Variants in FERMT2 observed in about 807,000 individuals in gnomAD.
The protein encoded by FERMT2 is FERM domain containing kindlin 2, also known as fermitin family homolog 2.
Under a neutral mutation model 82.7 loss-of-function variants are expected in FERMT2, and 15 were observed. The ratio of observed to expected loss-of-function variants is 0.18; its 90% CI spans 0.12 to 0.28. The LOEUF is 0.28. FERMT2 is among the 10% of genes least tolerant of loss of function. The pLI is 1.00. For missense variants in FERMT2, 645 were observed against 809.4 expected (o/e 0.80, Z 2.46); for synonymous variants, 274 against 271.5 (o/e 1.01, Z -0.09).
intron 4 of FERMT2, among the ~76,000 whole-genome samples, chr14:52,882,621 T>A (rs1374277524): frequency 6.6e-6 from 1 of 152,210 alleles, no homozygotes; most frequent in East Asian, 1.9e-4. Context: ...ACACTGTTAA[T>A]GTAAAGAAAA....
In FERMT2 at chr14:52,907,570, A is replaced by G. The variant is rs72686388; in HGVS notation, c.391+11553T>C. 9.0e-3 allele frequency among the ~76,000 whole-genome samples: 1,377 copies of G among 152,290 alleles called. 12 individuals carry two copies. The highest frequency in any genetic ancestry group is 0.016 in the Non-Finnish European group (1,061 of 68,018). On this transcript the variant is annotated intron_variant, in intron 3 of 14. Coordinates refer to ENST00000341590, the MANE Select transcript of FERMT2 (RefSeq NM_006832.3). ...ATATAGGAGTAAAATACATGACACA[A>G]AAAGGACAGGAAGGGAGAAATGAAA...
intron 9 of FERMT2, among the ~76,000 whole-genome samples, chr14:52,873,899 T>G (rs1885789613): frequency 6.6e-6 from 1 of 152,004 alleles, no homozygotes; most frequent in Non-Finnish European, 1.5e-5. Context: ...GCTGTGCCAC[T>G]GTATTACTAT....
chr14:52,950,702 C>T (rs987906058), intron 1 of FERMT2, 125 bp from the exon 2 acceptor site: 8 of 924,386 alleles, frequency 8.7e-6, no homozygotes, highest in Non-Finnish European at 9.7e-6. Flanking sequence ...TCGGCAGAAA[C>T]TCGGGAGGGC....
intron 10 of FERMT2, 83 bp from the exon 11 acceptor site, chr14:52,864,936 C>G: frequency 1.3e-6 from 1 of 796,894 alleles, no homozygotes; most frequent in Non-Finnish European, 2.1e-6. Context: ...CATTCTGTGG[C>G]ATCTTAACAT....
At chr14:52,882,704 TC>T (rs1335750678) in intron 4 of FERMT2, among the ~76,000 whole-genome samples, 2 of 152,054 alleles carry the variant, frequency 1.3e-5, no homozygotes, top group African/African-American at 4.8e-5. Context: ...TTAACTCTTC[TC>T]CCCATGCAAT....
At chr14:52,880,167 G>C (rs936559887) in intron 6 of FERMT2, among the ~76,000 whole-genome samples, 1 of 152,116 alleles carries the variant, frequency 6.6e-6, no homozygotes, top group African/African-American at 2.4e-5. Context: ...CGACGTGGGA[G>C]AATGGCTTGA....
At chr14:52,947,558 G>A (rs751526242) in intron 2 of FERMT2, among the ~76,000 whole-genome samples, 4 of 152,212 alleles carry the variant, frequency 2.6e-5, no homozygotes, top group African/African-American at 9.7e-5. Context: ...TCTAAAAATT[G>A]TGTTTTAATG....
In FERMT2 at chr14:52,858,544, C is replaced by T. The variant is rs770886964; in HGVS notation, c.1876G>A (p.Val626Ile). 77 of 1,613,786 alleles carry T rather than the reference C, an allele frequency of 4.8e-5. 2 individuals carry two copies. In the South Asian group the frequency reaches 6.8e-4, roughly 14 times the overall value. Reference sequence around the variant, plus strand: ...AATCGTACTTCATCTGCAAACTCTACGGTGACCTGGAACAAAGACAAGAGC... The same window carrying T: ...AATCGTACTTCATCTGCAAACTCTATGGTGACCTGGAACAAAGACAAGAGC... Reference protein sequence around the residue: ...NVNWEIKMVTVEFADEVRLSF... With the variant: ...NVNWEIKMVTIEFADEVRLSF... The change falls in exon 15 of 15, where the codon GTA becomes ATA. Residue 626 changes from valine (V) to isoleucine (I), a missense_variant. Val to Ile is a conservative substitution (Grantham distance 29, BLOSUM62 3). Coordinates refer to ENST00000341590, the MANE Select transcript of FERMT2 (RefSeq NM_006832.3).
At chr14:52,935,107 T>TA (rs1416428180) in intron 2 of FERMT2, among the ~76,000 whole-genome samples, 62 of 152,348 alleles carry the variant, frequency 4.1e-4, no homozygotes, top group African/African-American at 1.4e-3. Flanking sequence ...GCCATGTTGT[T>TA]AGACAATTAG....
chr14:52,911,658 A>T (rs1456010830), intron 3 of FERMT2, among the ~76,000 whole-genome samples: 1 of 150,908 alleles, frequency 6.6e-6, no homozygotes, highest in Non-Finnish European at 1.5e-5. Context: ...CTCAAAATAA[A>T]AAAAAAAAAA....
chr14:52,911,653 A>G (rs1888321107), intron 3 of FERMT2, among the ~76,000 whole-genome samples: 1 of 151,650 alleles, frequency 6.6e-6, no homozygotes, highest in African/African-American at 2.4e-5. Context: ...TCCATCTCAA[A>G]ATAAAAAAAA....
chr14:52,897,049 C>CACACACACACA (rs1887321843), intron 3 of FERMT2, among the ~76,000 whole-genome samples: 1 of 135,518 alleles, frequency 7.4e-6, no homozygotes, highest in African/African-American at 2.7e-5. Context: ...CACACACACA[C>CACACACACACA]CATGGTAGAA....
chr14:52,912,671 G>A (rs772225942), intron 3 of FERMT2, among the ~76,000 whole-genome samples: 25 of 151,894 alleles, frequency 1.6e-4, no homozygotes, highest in Non-Finnish European at 2.8e-4. Flanking sequence ...CACCATGCCC[G>A]GCTACTTTTT....
intron 10 of FERMT2, 29 bp from the exon 11 acceptor site, chr14:52,864,882 CTAAATTTACTTT>C: frequency 8.0e-7 from 1 of 1,243,402 alleles, no homozygotes; most frequent in Non-Finnish European, 1.2e-6. Flanking sequence ...ATTAAAATGG[CTAAATTTACTTT>C]TAAGAAATCT....
intron 2 of FERMT2, among the ~76,000 whole-genome samples, chr14:52,932,702 CCT>C: frequency 6.6e-6 from 1 of 152,294 alleles, no homozygotes. Context: ...CTGAGTCATT[CCT>C]CTCTTCCTTA....
intron 14 of FERMT2, 109 bp from the exon 15 acceptor site, chr14:52,858,659 T>C: frequency 1.1e-6 from 1 of 946,976 alleles, no homozygotes; most frequent in Non-Finnish European, 1.6e-6. Context: ...CACTTGTTGA[T>C]CCTCAAATGA....
chr14:52,936,001 A>G (rs1889821000), intron 2 of FERMT2, among the ~76,000 whole-genome samples: 2 of 152,208 alleles, frequency 1.3e-5, no homozygotes, highest in African/African-American at 4.8e-5. Flanking sequence ...GAGGGTGGGT[A>G]ACTTTCTATC....
intron 4 of FERMT2, among the ~76,000 whole-genome samples, chr14:52,886,905 A>G (rs1373187211): frequency 1.3e-5 from 2 of 152,202 alleles, no homozygotes; most frequent in African/African-American, 4.8e-5. Context: ...GTTTATGATA[A>G]AGAGACTGTA....
chr14:52,887,464 A>G (rs1456372455), intron 4 of FERMT2, among the ~76,000 whole-genome samples: 3 of 152,110 alleles, frequency 2.0e-5, no homozygotes, highest in Non-Finnish European at 4.4e-5. Flanking sequence ...ACTGGGTAAC[A>G]TAGCAAGACC....
Sources: gnomAD v4.1 joint callset for allele counts (sites outside exome capture counted in the v4.1 genomes callset) on GRCh38, gnomAD v4.1.1 for gene constraint, MANE v1.5 for transcripts, NCBI Gene and HGNC (gene_info 2026-07-23, HGNC 2026-07-21) for gene names.